ACACA: variants seen among roughly 807,000 people sequenced by gnomAD.
ACACA encodes the protein acetyl-CoA carboxylase alpha.
Under a neutral mutation model 296.1 loss-of-function variants are expected in ACACA, and 103 were observed. The observed-to-expected ratio is 0.35, with a 90% CI of 0.30 to 0.41. ACACA has a LOEUF of 0.41. ACACA is among the 10% of genes least tolerant of loss of function. The pLI is 1.00. For synonymous variants in ACACA, 953 were observed against 1,038.6 expected (o/e 0.92, Z 1.58); for missense variants, 1,554 against 2,989.7 (o/e 0.52, Z 11.20).
intron 55 of ACACA, 27 bp from the exon 56 acceptor site, chr17:37,087,466 A>C (rs1256747392): frequency 1.2e-6 from 2 of 1,613,998 alleles, no homozygotes; most frequent in Admixed American, 3.3e-5. Context: ...AGAATGGTGA[A>C]GAAAAGAGAA....
At chr17:37,190,035 A>G (rs937007585) in intron 38 of ACACA, among the ~76,000 whole-genome samples, 3 of 151,728 alleles carry the variant, frequency 2.0e-5, no homozygotes, top group Admixed American at 6.6e-5. Flanking sequence ...AAAAGAAAAA[A>G]AAAAAAGCAG....
chr17:37,359,007 G>A (rs963787300), intron 1 of ACACA: 1 of 985,526 alleles, frequency 1.0e-6, no homozygotes, highest in Non-Finnish European at 1.2e-6. Flanking sequence ...ACCTCAGGGT[G>A]GCAACGTGTG....
At chr17:37,204,601 C>T (rs772567907) in intron 33 of ACACA, among the ~76,000 whole-genome samples, 3 of 152,154 alleles carry the variant, frequency 2.0e-5, no homozygotes, top group Admixed American at 6.5e-5. Context: ...AAAGGAGGAA[C>T]ATACATTTTA....
chr17:37,382,881 A>T (rs535835934), intron 1 of ACACA, among the ~76,000 whole-genome samples: 3 of 152,012 alleles, frequency 2.0e-5, no homozygotes, highest in African/African-American at 7.2e-5. Context: ...AAAACAAAAT[A>T]AAAAAATTAG....
intron 39 of ACACA, among the ~76,000 whole-genome samples, chr17:37,185,661 C>T (rs909177948): frequency 2.6e-5 from 4 of 151,840 alleles, no homozygotes; most frequent in Admixed American, 2.0e-4. Flanking sequence ...CTCCGCCTCC[C>T]GGGTTCTAGC....
At chr17:37,178,112 A>T (rs2077186458) in intron 41 of ACACA, among the ~76,000 whole-genome samples, 1 of 152,220 alleles carries the variant, frequency 6.6e-6, no homozygotes, top group Non-Finnish European at 1.5e-5. Flanking sequence ...GTTGAAATAA[A>T]AATATCTCTC....
intron 19 of ACACA, among the ~76,000 whole-genome samples, chr17:37,245,971 T>C (rs2080677930): frequency 6.6e-6 from 1 of 152,162 alleles, no homozygotes; most frequent in South Asian, 2.1e-4. Context: ...CACCAACACA[T>C]ACTTGCAGTT....
chr17:37,207,555 T>C, intron 31 of ACACA, 102 bp downstream of exon 31: 1 of 1,411,238 alleles, frequency 7.1e-7, no homozygotes, highest in Non-Finnish European at 9.9e-7. Context: ...AGCTGGCTCA[T>C]GGCTATTCGG....
intron 3 of ACACA, among the ~76,000 whole-genome samples, chr17:37,290,951 G>A (rs146570742): frequency 0.011 from 1,739 of 151,620 alleles, 40 homozygotes; most frequent in African/African-American, 0.038. Flanking sequence ...GCGTGGTGGC[G>A]TGTGCCTGTA....
At chr17:37,406,189 G>T in intron 1 of ACACA, 73 bp downstream of exon 1, 1 of 1,536,384 alleles carries the variant, frequency 6.5e-7, no homozygotes. Flanking sequence ...TGTCTGGCAT[G>T]CAATAAGTAC....
rs2080628472 is a variant in ACACA, at chr17:37,245,107, T to C, written c.2568A>G (p.Gln856=). 2 of 1,614,066 alleles carry C rather than the reference T, an allele frequency of 1.2e-6. No homozygotes were observed. Among genetic ancestry groups the C allele is most frequent in the African/African-American group, 1.3e-5 (1 of 74,918 alleles). Reference sequence around the variant, plus strand: ...GCTGAACCTTGCTGGGGTTGTCCAGTTGCATTTTGGCTAGTACACAGCCAG... The same window carrying C: ...GCTGAACCTTGCTGGGGTTGTCCAGCTGCATTTTGGCTAGTACACAGCCAG... ...LDPGCVLAKM[Q]LDNPSKVQQA... is the part of the protein sequence containing the mutation. Residue 856 remains glutamine, a synonymous_variant, in exon 20 of 56, where the codon CAA becomes CAG. Coordinates refer to ENST00000616317, the MANE Select transcript of ACACA (RefSeq NM_198834.3).
intron 6 of ACACA, 50 bp from the exon 7 acceptor site, chr17:37,277,164 C>T (rs2082317492): frequency 2.0e-6 from 3 of 1,513,772 alleles, no homozygotes; most frequent in Admixed American, 3.3e-5. Context: ...ACAAAACCCC[C>T]ACAAACTGCA....
chr17:37,189,015 G>A (rs1156283077), intron 38 of ACACA, among the ~76,000 whole-genome samples: 2 of 152,150 alleles, frequency 1.3e-5, no homozygotes, highest in Non-Finnish European at 2.9e-5. Flanking sequence ...GCAATTTGTA[G>A]GTGGTGCTAG....
chr17:37,288,092 A>T (rs1181153526), intron 3 of ACACA, among the ~76,000 whole-genome samples: 2 of 152,236 alleles, frequency 1.3e-5, no homozygotes, highest in Non-Finnish European at 2.9e-5. Context: ...TTTCATGGTC[A>T]TTTCAATGTT....
chr17:37,193,336 A>AT, intron 36 of ACACA, 38 bp downstream of exon 36: 1 of 1,474,802 alleles, frequency 6.8e-7, no homozygotes, highest in Non-Finnish European at 9.4e-7. Context: ...AAGAAAAAGT[A>AT]ATTTTTTTTT....
intron 1 of ACACA, among the ~76,000 whole-genome samples, chr17:37,362,827 T>A (rs1380101017): frequency 1.3e-5 from 2 of 152,026 alleles, no homozygotes; most frequent in African/African-American, 4.8e-5. Context: ...CGCAAAAAAT[T>A]AGCCAGATGT....
At chr17:37,135,445 G>T (rs1332548711) in intron 45 of ACACA, among the ~76,000 whole-genome samples, 1 of 152,170 alleles carries the variant, frequency 6.6e-6, no homozygotes, top group East Asian at 1.9e-4. Flanking sequence ...AAAAGCCTCT[G>T]ACATGAGCCA....
intron 13 of ACACA, 96 bp downstream of exon 13, chr17:37,258,116 G>A: frequency 2.1e-6 from 3 of 1,441,520 alleles, no homozygotes; most frequent in Non-Finnish European, 2.9e-6. Context: ...CCACTCCAGA[G>A]GAAGTCCCAA....
intron 35 of ACACA, among the ~76,000 whole-genome samples, chr17:37,195,533 A>T (rs1310357093): frequency 2.0e-5 from 3 of 151,616 alleles, no homozygotes; most frequent in African/African-American, 4.8e-5. Flanking sequence ...TTTTTTTTTT[A>T]AACTTCTGAG....
Sources: allele counts gnomAD v4.1 joint callset (sites outside exome capture counted in the v4.1 genomes callset), GRCh38; gene constraint gnomAD v4.1.1; transcripts MANE v1.5; gene names NCBI Gene and HGNC (gene_info 2026-07-23, HGNC 2026-07-21).